The following ARHGEF38 variants were observed in gnomAD, a reference collection of about 807,000 sequenced individuals.
ARHGEF38 encodes Rho guanine nucleotide exchange factor (GEF) 38.
In ARHGEF38, 79 loss-of-function variants were observed where a neutral mutation model predicts 79.9. The observed-to-expected ratio is 0.99, with a 90% CI of 0.82 to 1.19. The LOEUF (loss-of-function observed/expected upper bound fraction) is 1.19. Ranked by LOEUF, ARHGEF38 falls within the 50% of genes most tolerant of loss-of-function variation. The pLI, the probability that ARHGEF38 is intolerant of heterozygous loss-of-function variation, is 0.00. For synonymous variants in ARHGEF38, 366 were observed against 328.3 expected (o/e 1.11, Z -1.24); for missense variants, 962 against 907.2 (o/e 1.06, Z -0.78).
downstream of ARHGEF38, among the ~76,000 whole-genome samples, chr4:105,681,269 TA>T (rs1435518023): frequency 2.6e-5 from 4 of 151,754 alleles, no homozygotes; most frequent in African/African-American, 9.7e-5. Flanking sequence ...CAGAGCAGTT[TA>T]AAATAATAAT....
intron 2 of ARHGEF38, among the ~76,000 whole-genome samples, chr4:105,607,874 C>A (rs1280860499): frequency 1.3e-5 from 2 of 152,028 alleles, no homozygotes; most frequent in Non-Finnish European, 2.9e-5. Context: ...GCTTAGCTTT[C>A]CTCTTTGTGA....
At chr4:105,561,500 GAATAGAATAGAATAGAATA>G (rs1725609670) in intron 1 of ARHGEF38, 1 of 145,288 alleles carries the variant, frequency 6.9e-6, no homozygotes, top group Non-Finnish European at 1.5e-5. Flanking sequence ...GAATAGAATA[GAATAGAATAGAATAGAATA>G]GAATAGAATA....
At chr4:105,648,848 T>TTTCTCTC (rs1560746674) in intron 7 of ARHGEF38, among the ~76,000 whole-genome samples, 166 bp downstream of exon 7, 1 of 108,620 alleles carries the variant, frequency 9.2e-6, no homozygotes, top group African/African-American at 5.6e-5. Flanking sequence ...CTCTCTCTCT[T>TTTCTCTC]TCTCTCTCTC....
chr4:105,625,552 C>T (rs536469117), intron 3 of ARHGEF38, among the ~76,000 whole-genome samples: 24 of 152,264 alleles, frequency 1.6e-4, no homozygotes, highest in Middle Eastern at 3.4e-3. Flanking sequence ...TCTTCATGGA[C>T]AAGGTAAAGG....
chr4:105,625,872 T>C (rs927172022), intron 3 of ARHGEF38, among the ~76,000 whole-genome samples: 5 of 152,172 alleles, frequency 3.3e-5, no homozygotes, highest in African/African-American at 9.7e-5. Flanking sequence ...CATTATTTTG[T>C]TCTTGTCCTT....
chr4:105,666,806 T>C (rs1357733235), intron 11 of ARHGEF38, among the ~76,000 whole-genome samples: 2 of 152,224 alleles, frequency 1.3e-5, no homozygotes, highest in African/African-American at 2.4e-5. Context: ...GAATACTTAA[T>C]ATGCAACGGG....
chr4:105,660,754 C>A (rs1376098090), intron 10 of ARHGEF38, among the ~76,000 whole-genome samples: 3 of 152,096 alleles, frequency 2.0e-5, no homozygotes, highest in East Asian at 3.9e-4. Flanking sequence ...CTTCCTAATT[C>A]TTTTTACAGC....
intron 2 of ARHGEF38, among the ~76,000 whole-genome samples, chr4:105,601,444 G>A (rs967996401): frequency 2.0e-5 from 3 of 152,108 alleles, no homozygotes; most frequent in Non-Finnish European, 4.4e-5. Flanking sequence ...TTTGGGAGAT[G>A]ATACCCTGAA....
intron 7 of ARHGEF38, among the ~76,000 whole-genome samples, chr4:105,650,544 C>T (rs765384250): frequency 3.1e-4 from 47 of 152,150 alleles, no homozygotes; most frequent in Non-Finnish European, 5.6e-4. Context: ...CAAGGAAATC[C>T]CAACAGAGGT....
intron 7 of ARHGEF38, among the ~76,000 whole-genome samples, chr4:105,650,826 T>A (rs1730069884): frequency 6.6e-6 from 1 of 152,192 alleles, no homozygotes; most frequent in African/African-American, 2.4e-5. Context: ...ATGTAAGAGG[T>A]TCCTCTTCTC....
chr4:105,665,304 C>A (rs1201694152), intron 10 of ARHGEF38, among the ~76,000 whole-genome samples: 2 of 151,918 alleles, frequency 1.3e-5, no homozygotes, highest in Admixed American at 6.6e-5. Flanking sequence ...ACCATCCTGG[C>A]CAACATGGTG....
chr4:105,585,726 C>CTTTTTTTTTTTTTTTTTTTTTT (rs3056719), intron 1 of ARHGEF38, among the ~76,000 whole-genome samples: 1 of 71,508 alleles, frequency 1.4e-5, no homozygotes, highest in African/African-American at 5.7e-5. Context: ...CCCTCCGTTG[C>CTTTTTTTTTTTTTTTTTTTTTT]TTTTTTTTTT....
chr4:105,679,441 G>T lies in ARHGEF38; in HGVS notation c.*1504G>T, dbSNP rs149422298. 1.3e-3 allele frequency: 1,990 copies of T among 1,587,332 alleles called. 6 individuals carry two copies. The highest frequency in any genetic ancestry group is 2.3e-3 in the Middle Eastern group (10 of 4,382). ...TCTTTCCAAGCACAGCTGACATCCT[G>T]TATTTCCTCTAGGCTTTCCAGAGTC... On this transcript the variant is annotated 3_prime_UTR_variant, in exon 14 of 14. Transcript: ENST00000420470.
intron 1 of ARHGEF38, among the ~76,000 whole-genome samples, chr4:105,561,168 G>A (rs182173966): frequency 6.3e-4 from 95 of 151,988 alleles, no homozygotes; most frequent in Admixed American, 9.2e-4. Context: ...TGGGTCTATC[G>A]CTTGAGCCCA....
chr4:105,588,692 A>G (rs979171771), intron 1 of ARHGEF38, among the ~76,000 whole-genome samples: 7 of 152,218 alleles, frequency 4.6e-5, no homozygotes, highest in Non-Finnish European at 7.3e-5. Context: ...ATTTCAGTTG[A>G]AATTTATTTA....
chr4:105,645,134 A>G lies in ARHGEF38; in HGVS notation c.675-54A>G, dbSNP rs1729782088. The G allele has an allele frequency of 2.6e-6, 3 of 1,175,870 alleles. No homozygotes were observed. In the South Asian group the frequency reaches 9.5e-5, roughly 37 times the overall value. The allele number at this position is 1,175,870 out of a possible 1,614,324, so 72.8% of individuals were successfully genotyped here. A position where few individuals can be genotyped will look rare whatever the true frequency, so the allele number is the denominator to read the frequency against. ...ATCATAAAAACACACAAAAATGAAA[A>G]TGTGTTAATAAAACATATGTTTGTG... On this transcript the variant is annotated intron_variant, in intron 5 of 13. Transcript: ENST00000420470.
At chr4:105,561,142 C>T (rs1725502375) in intron 1 of ARHGEF38, among the ~76,000 whole-genome samples, 1 of 152,026 alleles carries the variant, frequency 6.6e-6, no homozygotes, top group Non-Finnish European at 1.5e-5. Flanking sequence ...AATCCCAGCA[C>T]TTTGGGTGGC....
chr4:105,573,039 G>A (rs991028323), intron 1 of ARHGEF38, among the ~76,000 whole-genome samples: 22 of 121,100 alleles, frequency 1.8e-4, no homozygotes, highest in African/African-American at 2.2e-4. Flanking sequence ...TATTTTCTTT[G>A]GAGAAAAATC....
chr4:105,668,693 G>GAT (rs1281816621), intron 13 of ARHGEF38, among the ~76,000 whole-genome samples: 1 of 151,464 alleles, frequency 6.6e-6, no homozygotes, highest in Non-Finnish European at 1.5e-5. Context: ...TAGATAGATA[G>GAT]ATAGATAGAT....
Sources: gnomAD v4.1 joint callset for allele counts (sites outside exome capture counted in the v4.1 genomes callset) on GRCh38, gnomAD v4.1.1 for gene constraint, MANE v1.5 for transcripts, NCBI Gene and HGNC (gene_info 2026-07-23, HGNC 2026-07-21) for gene names.